Variants in SPAG17 observed in about 807,000 individuals in gnomAD.
SPAG17 encodes the protein sperm-associated antigen 17.
SPAG17 carries 169 observed loss-of-function variants against 273.6 expected under a neutral mutation model. The observed-to-expected ratio is 0.62, with a 90% CI of 0.55 to 0.70. The LOEUF (loss-of-function observed/expected upper bound fraction) is 0.70. Among genes scored for constraint, SPAG17 ranks in the 30% least tolerant of loss-of-function variants. The pLI is 0.00. For missense variants in SPAG17, 2,557 were observed against 2,627.8 expected, an observed-to-expected ratio of 0.97 and a Z score of 0.59; for synonymous variants, 825 against 873.2, an observed-to-expected ratio of 0.94 and a Z score of 0.97.
chr1:118,030,665 C>A (rs1405244062), intron 25 of SPAG17, among the ~76,000 whole-genome samples: 8 of 152,210 alleles, frequency 5.3e-5, no homozygotes, highest in Non-Finnish European at 1.0e-4. Context: ...TTGTTCAACT[C>A]CCATTTATGA....
chr1:118,007,992 C>T (rs914444650), intron 31 of SPAG17, 52 bp downstream of exon 31: 21 of 1,608,502 alleles, frequency 1.3e-5, no homozygotes, highest in Non-Finnish European at 1.7e-5. Context: ...TGGGTTTTCT[C>T]AGCTGAATAG....
intron 45 of SPAG17, among the ~76,000 whole-genome samples, chr1:117,970,452 G>A (rs1376120433): frequency 6.6e-6 from 1 of 152,210 alleles, no homozygotes; most frequent in African/African-American, 2.4e-5. Flanking sequence ...GAACGCAAAT[G>A]CTGGCAGCCG....
At chr1:118,021,437 A>G (rs1472319923) in intron 28 of SPAG17, among the ~76,000 whole-genome samples, 1 of 152,072 alleles carries the variant, frequency 6.6e-6, no homozygotes, top group Non-Finnish European at 1.5e-5. Flanking sequence ...TGGAATAAGA[A>G]GGGTGAATAG....
chr1:118,150,134 T>C (rs1659292050), intron 3 of SPAG17, among the ~76,000 whole-genome samples: 1 of 152,220 alleles, frequency 6.6e-6, no homozygotes, highest in African/African-American at 2.4e-5. Context: ...AGAAACACTT[T>C]CTGGCGCATT....
chr1:118,007,275 G>A (rs924495020), intron 31 of SPAG17, among the ~76,000 whole-genome samples: 3 of 152,186 alleles, frequency 2.0e-5, no homozygotes, highest in African/African-American at 7.2e-5. Context: ...TATCAGAAGA[G>A]ATGAGAGGGA....
chr1:118,077,997 C>T (rs1654243773), intron 15 of SPAG17, among the ~76,000 whole-genome samples: 1 of 152,152 alleles, frequency 6.6e-6, no homozygotes, highest in Admixed American at 6.6e-5. Context: ...GTTTCCTCAT[C>T]TGTAGAATTG....
intron 26 of SPAG17, 106 bp from the exon 27 acceptor site, chr1:118,025,522 A>G: frequency 1.1e-6 from 1 of 927,188 alleles, no homozygotes; most frequent in Non-Finnish European, 1.5e-6. Flanking sequence ...TTATTTTAAA[A>G]ATAGAGACAA....
chr1:118,005,625 G>A (rs770686259), intron 31 of SPAG17, 23 bp from the exon 32 acceptor site: 7 of 1,392,312 alleles, frequency 5.0e-6, no homozygotes, highest in Non-Finnish European at 5.6e-6. Flanking sequence ...CAGAAAGACA[G>A]AAATTATTAA....
At chr1:118,086,815 G>A (rs1286493575) in intron 11 of SPAG17, 31 bp from the exon 12 acceptor site, 1 of 1,613,986 alleles carries the variant, frequency 6.2e-7, no homozygotes, top group Admixed American at 1.7e-5. Flanking sequence ...TTGATTTAAA[G>A]AGAGGATCTA....
chr1:118,145,071 G>A (rs1558043226), intron 3 of SPAG17, among the ~76,000 whole-genome samples: 2 of 152,120 alleles, frequency 1.3e-5, no homozygotes, highest in African/African-American at 4.8e-5. Flanking sequence ...AATGCTTCCT[G>A]TCTCCCTTTT....
At chr1:118,007,887 A>C (rs935828091) in intron 31 of SPAG17, among the ~76,000 whole-genome samples, 157 bp downstream of exon 31, 1 of 152,222 alleles carries the variant, frequency 6.6e-6, no homozygotes, top group Non-Finnish European at 1.5e-5. Flanking sequence ...ATGAATAAAT[A>C]AGAGTTTGAG....
intron 18 of SPAG17, among the ~76,000 whole-genome samples, chr1:118,063,608 G>A (rs1652597280): frequency 6.6e-6 from 1 of 152,162 alleles, no homozygotes. Context: ...AGACTTAAAT[G>A]TTAGACCTAA....
chr1:118,063,920 G>A (rs763521000), intron 18 of SPAG17, among the ~76,000 whole-genome samples: 14 of 152,114 alleles, frequency 9.2e-5, no homozygotes, highest in Non-Finnish European at 1.8e-4. Flanking sequence ...CAAAAAGTGG[G>A]CGAAGGATAT....
At chr1:118,019,999 G>C (rs1308864265) in intron 28 of SPAG17, among the ~76,000 whole-genome samples, 1 of 152,162 alleles carries the variant, frequency 6.6e-6, no homozygotes, top group African/African-American at 2.4e-5. Context: ...GCTTATAAGA[G>C]ACACATTTAA....
intron 1 of SPAG17, among the ~76,000 whole-genome samples, chr1:118,166,834 A>G (rs986178151): frequency 2.0e-4 from 30 of 152,194 alleles, no homozygotes; most frequent in African/African-American, 6.8e-4. Context: ...CTTTATTAAT[A>G]GTGATTAAAA....
At chr1:118,103,958 G>A (rs1280089411) in intron 4 of SPAG17, among the ~76,000 whole-genome samples, 1 of 151,950 alleles carries the variant, frequency 6.6e-6, no homozygotes, top group East Asian at 1.9e-4. Flanking sequence ...GAGGTGCAGA[G>A]TAGCCCAAGA....
At position 117,984,911 on chromosome 1, in the gene SPAG17, T is replaced by C. The variant is rs988340939; in HGVS notation, c.5670-129A>G. ...TAACAATAAAACTGACAAGAATTAA[T>C]TTATTAGATATTTTTGTCAACTTGT... On this transcript the variant is annotated intron_variant, in intron 40 of 48. Transcript: ENST00000336338. The C allele has an allele frequency of 4.0e-5, 25 of 621,858 alleles. No homozygotes were observed. The African/African-American group carries it at 4.4e-4, about 11-fold the overall frequency. 38.5% of individuals were successfully genotyped at this position (621,858 alleles called of 1,614,324 possible).
chr1:118,116,211 C>A (rs1657071401), intron 3 of SPAG17, among the ~76,000 whole-genome samples: 1 of 151,460 alleles, frequency 6.6e-6, no homozygotes, highest in Admixed American at 6.6e-5. Context: ...TTATTTACTG[C>A]AAAAAAAATA....
At chr1:118,169,122 T>C (rs529623992) in intron 1 of SPAG17, among the ~76,000 whole-genome samples, 1 of 152,356 alleles carries the variant, frequency 6.6e-6, no homozygotes, top group East Asian at 1.9e-4. Flanking sequence ...GCAACACTTA[T>C]ATTTTACTTA....
Sources: allele counts gnomAD v4.1 joint callset (sites outside exome capture counted in the v4.1 genomes callset), GRCh38; gene constraint gnomAD v4.1.1; transcripts MANE v1.5; gene names NCBI Gene and HGNC (gene_info 2026-07-23, HGNC 2026-07-21).